The following ITGBL1 variants were observed in gnomAD, a reference collection of about 807,000 sequenced individuals.
The protein encoded by ITGBL1 is integrin beta-like protein 1.
Under a neutral mutation model 68.5 loss-of-function variants are expected in ITGBL1, and 51 were observed. That is an observed-to-expected ratio of 0.74 (90% CI 0.59 to 0.94). The LOEUF is 0.94. Ranked by LOEUF, ITGBL1 falls within the 40% of genes least tolerant of loss-of-function variation. The pLI is 0.00. For synonymous variants in ITGBL1, 209 were observed against 227.3 expected (o/e 0.92, Z 0.72); for missense variants, 649 against 647.4 (o/e 1.00, Z -0.03).
intron 7 of ITGBL1, among the ~76,000 whole-genome samples, chr13:101,647,110 G>T (rs2032584335): frequency 6.6e-6 from 1 of 151,944 alleles, no homozygotes; most frequent in South Asian, 2.1e-4. Context: ...AAATATCTTA[G>T]TTAGCATGAT....
At chr13:101,574,491 G>A (rs896137814) in intron 3 of ITGBL1, among the ~76,000 whole-genome samples, 2 of 151,958 alleles carry the variant, frequency 1.3e-5, no homozygotes, top group Non-Finnish European at 1.5e-5. Flanking sequence ...TATCACATTG[G>A]TTTTTGCTCA....
chr13:101,478,281 A>G (rs1159843958), intron 2 of ITGBL1, among the ~76,000 whole-genome samples: 2 of 152,122 alleles, frequency 1.3e-5, no homozygotes, highest in Non-Finnish European at 2.9e-5. Context: ...ATAAGTCACT[A>G]TTACTTCATG....
chr13:101,567,581 G>A (rs1269767517), intron 2 of ITGBL1, 118 bp from the exon 3 acceptor site: 1 of 866,026 alleles, frequency 1.2e-6, no homozygotes, highest in East Asian at 2.6e-5. Flanking sequence ...CGATATACAT[G>A]AGTTTCAATT....
At chr13:101,492,099 G>A (rs998607446) in intron 2 of ITGBL1, among the ~76,000 whole-genome samples, 1 of 152,168 alleles carries the variant, frequency 6.6e-6, no homozygotes, top group African/African-American at 2.4e-5. Context: ...ACATATGTGT[G>A]CATGTGTCTT....
intron 7 of ITGBL1, among the ~76,000 whole-genome samples, chr13:101,606,243 C>T (rs2030852048): frequency 6.8e-6 from 1 of 147,482 alleles, no homozygotes; most frequent in African/African-American, 2.5e-5. Flanking sequence ...AGTTAAATTT[C>T]TAATTTCTTA....
intron 2 of ITGBL1, among the ~76,000 whole-genome samples, chr13:101,460,187 G>A (rs367627358): frequency 2.6e-5 from 4 of 151,740 alleles, no homozygotes; most frequent in Admixed American, 2.6e-4. Flanking sequence ...TGGATTTACC[G>A]CCCCCTCTCT....
intron 7 of ITGBL1, among the ~76,000 whole-genome samples, chr13:101,679,433 A>G (rs74122621): frequency 1.3e-5 from 2 of 152,346 alleles, no homozygotes; most frequent in African/African-American, 4.8e-5. Context: ...TCAGAAATCC[A>G]TAACTGTGTT....
chr13:101,555,733 A>G (rs1034242448), intron 2 of ITGBL1, among the ~76,000 whole-genome samples: 1 of 152,116 alleles, frequency 6.6e-6, no homozygotes, highest in Non-Finnish European at 1.5e-5. Flanking sequence ...TTAGCACTTT[A>G]AAGTCTTTAA....
intron 7 of ITGBL1, among the ~76,000 whole-genome samples, chr13:101,655,859 G>T (rs1271963815): frequency 6.6e-6 from 1 of 152,184 alleles, no homozygotes; most frequent in Non-Finnish European, 1.5e-5. Context: ...CAAACTCTGT[G>T]AAATATTTGA....
At chr13:101,466,139 GT>G (rs926471741) in intron 2 of ITGBL1, among the ~76,000 whole-genome samples, 4 of 152,180 alleles carry the variant, frequency 2.6e-5, no homozygotes, top group Non-Finnish European at 2.9e-5. Context: ...TATTGCTAAT[GT>G]TTTTACTTAA....
intron 2 of ITGBL1, among the ~76,000 whole-genome samples, chr13:101,491,547 A>G (rs2048777020): frequency 6.6e-6 from 1 of 152,160 alleles, no homozygotes; most frequent in African/African-American, 2.4e-5. Flanking sequence ...TATGCCACAC[A>G]TTCTTCTGAT....
At chr13:101,661,115 ATAAC>A (rs2033075059) in intron 7 of ITGBL1, among the ~76,000 whole-genome samples, 2 of 126,900 alleles carry the variant, frequency 1.6e-5, no homozygotes, top group African/African-American at 3.1e-5. Context: ...TTAAATAACT[ATAAC>A]AAACATAGTA....
chr13:101,701,160 T>G (rs1469370379), intron 8 of ITGBL1, among the ~76,000 whole-genome samples: 1 of 152,200 alleles, frequency 6.6e-6, no homozygotes, highest in East Asian at 1.9e-4. Context: ...CTCAAAGCAT[T>G]TGAATATTAA....
intron 7 of ITGBL1, among the ~76,000 whole-genome samples, chr13:101,690,080 T>A (rs2033849902): frequency 6.6e-6 from 1 of 152,202 alleles, no homozygotes. Flanking sequence ...GTATTAGTCA[T>A]TTTAAAACTC....
At chr13:101,532,027 C>A (rs1385488703) in intron 2 of ITGBL1, among the ~76,000 whole-genome samples, 2 of 152,030 alleles carry the variant, frequency 1.3e-5, no homozygotes, top group Non-Finnish European at 2.9e-5. Context: ...AGCCACCGCG[C>A]CCGGCCAGTT....
At chr13:101,677,155 A>G (rs1431246314) in intron 7 of ITGBL1, among the ~76,000 whole-genome samples, 1 of 152,188 alleles carries the variant, frequency 6.6e-6, no homozygotes, top group African/African-American at 2.4e-5. Flanking sequence ...AATTAGCACT[A>G]CTTAATAGAG....
intron 8 of ITGBL1, among the ~76,000 whole-genome samples, chr13:101,701,061 T>A (rs1270695749): frequency 6.6e-6 from 1 of 152,178 alleles, no homozygotes; most frequent in Non-Finnish European, 1.5e-5. Context: ...AGAAAATATT[T>A]CTTGAAGAGA....
At chr13:101,489,827 GA>G in intron 2 of ITGBL1, 1 of 610,508 alleles carries the variant, frequency 1.6e-6, no homozygotes, top group South Asian at 2.0e-5. Flanking sequence ...TGATCAAACT[GA>G]TAAAATAGCA....
chr13:101,719,057 A>ATTATT (rs2034826940), downstream of ITGBL1: 1 of 152,092 alleles, frequency 6.6e-6, no homozygotes, highest in South Asian at 2.1e-4. Context: ...AAATATTTCA[A>ATTATT]TTATTTTCAT....
Sources: gnomAD v4.1 joint callset for allele counts (sites outside exome capture counted in the v4.1 genomes callset) on GRCh38, gnomAD v4.1.1 for gene constraint, MANE v1.5 for transcripts, NCBI Gene and HGNC (gene_info 2026-07-23, HGNC 2026-07-21) for gene names.